Variants in ASTN1 observed in about 807,000 individuals in gnomAD.
ASTN1 encodes the protein astrotactin-1.
Under a neutral mutation model 140.7 loss-of-function variants are expected in ASTN1, and 41 were observed. That is an observed-to-expected ratio of 0.29 (90% CI 0.23 to 0.38). The LOEUF (loss-of-function observed/expected upper bound fraction) is 0.38. Among genes scored for constraint, ASTN1 ranks in the 10% least tolerant of loss-of-function variants. The pLI is 1.00. For synonymous variants in ASTN1, 640 were observed against 652.2 expected (o/e 0.98, Z 0.29); for missense variants, 1,479 against 1,678.8 (o/e 0.88, Z 2.08).
chr1:176,971,356 T>G (rs986905485), intron 8 of ASTN1, among the ~76,000 whole-genome samples: 1 of 152,188 alleles, frequency 6.6e-6, no homozygotes, highest in Non-Finnish European at 1.5e-5. Context: ...AAATAAGTAC[T>G]TGGAATGACC....
At chr1:177,125,660 C>A (rs1681603822) in intron 1 of ASTN1, among the ~76,000 whole-genome samples, 1 of 152,194 alleles carries the variant, frequency 6.6e-6, no homozygotes, top group Non-Finnish European at 1.5e-5. Context: ...GACCAGGATT[C>A]AGTCATTGAA....
intron 5 of ASTN1, among the ~76,000 whole-genome samples, chr1:177,026,070 G>A (rs1676097004): frequency 6.6e-6 from 1 of 152,172 alleles, no homozygotes; most frequent in African/African-American, 2.4e-5. Flanking sequence ...GATGTCCTCA[G>A]GAACACAGGG....
At chr1:176,992,371 G>A (rs1322321970) in intron 8 of ASTN1, among the ~76,000 whole-genome samples, 6 of 151,224 alleles carry the variant, frequency 4.0e-5, no homozygotes, top group Admixed American at 6.6e-5. Flanking sequence ...GGAGATGAGC[G>A]AATATTGAAG....
chr1:177,119,122 A>C (rs185259982), intron 1 of ASTN1, among the ~76,000 whole-genome samples: 71 of 152,188 alleles, frequency 4.7e-4, no homozygotes, highest in African/African-American at 1.6e-3. Flanking sequence ...CCAGCACCTA[A>C]ATCCACTCAT....
At chr1:177,122,576 C>T (rs1681454371) in intron 1 of ASTN1, among the ~76,000 whole-genome samples, 1 of 152,196 alleles carries the variant, frequency 6.6e-6, no homozygotes, top group South Asian at 2.1e-4. Flanking sequence ...GGATACTACA[C>T]TCAGCTCAGA....
chr1:176,912,110 G>A (rs1031707884), intron 16 of ASTN1, among the ~76,000 whole-genome samples: 1 of 152,174 alleles, frequency 6.6e-6, no homozygotes, highest in Non-Finnish European at 1.5e-5. Context: ...ATCAGGAGAC[G>A]TATGCAAGGG....
At chr1:177,160,974 T>C (rs1323536533) in intron 1 of ASTN1, among the ~76,000 whole-genome samples, 1 of 152,134 alleles carries the variant, frequency 6.6e-6, no homozygotes, top group Non-Finnish European at 1.5e-5. Flanking sequence ...CTAAAAACAT[T>C]CATATTCAAA....
At chr1:176,994,051 C>T (rs1293937048) in intron 8 of ASTN1, among the ~76,000 whole-genome samples, 2 of 111,986 alleles carry the variant, frequency 1.8e-5, no homozygotes, top group African/African-American at 7.2e-5. Flanking sequence ...GGTGAATAGC[C>T]TCCGCTTCGT....
chr1:177,121,313 T>C (rs1009718903), intron 1 of ASTN1, among the ~76,000 whole-genome samples: 1 of 152,012 alleles, frequency 6.6e-6, no homozygotes, highest in Non-Finnish European at 1.5e-5. Flanking sequence ...ACACAAATGA[T>C]CCATTTTCTG....
At chr1:176,951,695 T>C (rs1190377967) in intron 11 of ASTN1, among the ~76,000 whole-genome samples, 4 of 152,220 alleles carry the variant, frequency 2.6e-5, no homozygotes, top group African/African-American at 9.6e-5. Flanking sequence ...CTTGCCTGGC[T>C]TTAACGTCTA....
At chr1:177,102,589 A>C (rs1293230105) in intron 1 of ASTN1, among the ~76,000 whole-genome samples, 1 of 152,240 alleles carries the variant, frequency 6.6e-6, no homozygotes, top group Non-Finnish European at 1.5e-5. Context: ...CTAATAAAAT[A>C]AAACAAAGTA....
At chr1:176,998,813 C>T (rs1324860088) in intron 8 of ASTN1, among the ~76,000 whole-genome samples, 2 of 152,184 alleles carry the variant, frequency 1.3e-5, no homozygotes, top group African/African-American at 2.4e-5. Context: ...CTGTGCCAGG[C>T]GGCACCGTGA....
intron 1 of ASTN1, among the ~76,000 whole-genome samples, chr1:177,147,875 G>A (rs1051528103): frequency 3.9e-5 from 6 of 152,106 alleles, no homozygotes; most frequent in African/African-American, 1.2e-4. Flanking sequence ...TTCCTTTTAG[G>A]AGAGCTCTCT....
At chr1:176,993,631 A>C (rs540707599) in intron 8 of ASTN1, among the ~76,000 whole-genome samples, 43 of 152,230 alleles carry the variant, frequency 2.8e-4, no homozygotes, top group South Asian at 4.1e-4. Context: ...AATCAATGTC[A>C]GTGGAGACTC....
intron 5 of ASTN1, among the ~76,000 whole-genome samples, chr1:177,028,341 C>T (rs79717924): frequency 0.02 from 3,042 of 152,248 alleles, 93 homozygotes; most frequent in African/African-American, 0.069. Context: ...TCCACATTCT[C>T]GCCTCACAGA....
At chr1:177,158,088 A>AGAAGTG (rs1403194842) in intron 1 of ASTN1, among the ~76,000 whole-genome samples, 3 of 152,246 alleles carry the variant, frequency 2.0e-5, no homozygotes, top group Non-Finnish European at 4.4e-5. Flanking sequence ...ATGAAAAGCT[A>AGAAGTG]GAAGTGGAAC....
At chr1:177,162,768 A>G (rs1261688412) in intron 1 of ASTN1, among the ~76,000 whole-genome samples, 1 of 152,200 alleles carries the variant, frequency 6.6e-6, no homozygotes, top group African/African-American at 2.4e-5. Flanking sequence ...TGTACTTTGC[A>G]TATCAGCATG....
intron 18 of ASTN1, among the ~76,000 whole-genome samples, chr1:176,887,243 T>C (rs1243943205): frequency 6.6e-6 from 1 of 152,200 alleles, no homozygotes; most frequent in African/African-American, 2.4e-5. Flanking sequence ...TCCATCTTTC[T>C]TTCTGCACAC....
rs558519754 is a variant in ASTN1, at chr1:176,921,154, A to G, written c.2671+12998T>C. ...TGATGTCACTGCCCTCATTTTCAAA[A>G]AATGAGTTACTTACCTGATTCATTT... is the stretch of plus-strand genomic sequence containing the variant. On this transcript the variant is annotated intron_variant, in intron 16 of 22. Coordinates refer to ENST00000361833, the MANE Select transcript of ASTN1 (RefSeq NM_004319.3). 9.2e-5 allele frequency among the ~76,000 whole-genome samples: 14 copies of G among 152,360 alleles called. No individual in the cohort carries two copies. The South Asian group carries it at 1.5e-3, about 16-fold the overall frequency.
Sources: allele counts gnomAD v4.1 joint callset (sites outside exome capture counted in the v4.1 genomes callset), GRCh38; gene constraint gnomAD v4.1.1; transcripts MANE v1.5; gene names NCBI Gene and HGNC (gene_info 2026-07-23, HGNC 2026-07-21).